DOCK4: variants seen among roughly 807,000 people sequenced by gnomAD.
The protein encoded by DOCK4 is dedicator of cytokinesis protein 4.
A neutral mutation model predicts 268.1 loss-of-function variants in DOCK4; 97 were observed. That is an observed-to-expected ratio of 0.36 (90% confidence interval 0.31 to 0.43). DOCK4 has a LOEUF of 0.43. Ranked by LOEUF, DOCK4 falls within the 20% of genes least tolerant of loss-of-function variation. The pLI, the probability that DOCK4 is intolerant of heterozygous loss-of-function variation, is 1.00. For synonymous variants in DOCK4, 954 were observed against 887.2 expected (o/e 1.08, Z -1.34); for missense variants, 2,145 against 2,455.7 (o/e 0.87, Z 2.67).
chr7:112,063,933 G>T (rs1806687012), intron 1 of DOCK4, among the ~76,000 whole-genome samples: 1 of 152,128 alleles, frequency 6.6e-6, no homozygotes, highest in Non-Finnish European at 1.5e-5. Context: ...TTTTTAAAGG[G>T]AAGGGGCTAT....
chr7:111,754,012 C>G (rs1796862153), intron 42 of DOCK4, among the ~76,000 whole-genome samples: 1 of 152,172 alleles, frequency 6.6e-6, no homozygotes, highest in African/African-American at 2.4e-5. Flanking sequence ...GGGCTAGGAC[C>G]ATTGATGAGA....
At chr7:111,913,759 G>A (rs1276311672) in intron 13 of DOCK4, among the ~76,000 whole-genome samples, 1 of 145,916 alleles carries the variant, frequency 6.9e-6, no homozygotes, top group Non-Finnish European at 1.5e-5. Context: ...GTATATGCTT[G>A]TAGTCCTAGC....
At chr7:111,831,494 T>C (rs1033329599) in intron 26 of DOCK4, among the ~76,000 whole-genome samples, 1 of 151,864 alleles carries the variant, frequency 6.6e-6, no homozygotes, top group Middle Eastern at 3.4e-3. Context: ...TTTTTCTTTT[T>C]TTTTTTTAGA....
chr7:111,843,809 G>A (rs1803880199), intron 25 of DOCK4, among the ~76,000 whole-genome samples: 1 of 152,152 alleles, frequency 6.6e-6, no homozygotes, highest in South Asian at 2.1e-4. Context: ...CAGGTGGCTT[G>A]ATGTTATAAT....
intron 1 of DOCK4, among the ~76,000 whole-genome samples, chr7:112,018,033 C>CA (rs1335213125): frequency 1.3e-5 from 2 of 149,498 alleles, no homozygotes; most frequent in Non-Finnish European, 3.0e-5. Context: ...AAAAAAAATA[C>CA]AAAAAATTAG....
At chr7:111,783,062 T>C (rs770875078) in intron 34 of DOCK4, 138 bp from the exon 35 acceptor site, 2 of 746,176 alleles carry the variant, frequency 2.7e-6, no homozygotes, top group Non-Finnish European at 4.4e-6. Flanking sequence ...CAGAGGCAAT[T>C]TGCATTGCAA....
chr7:112,005,125 A>T (rs1800752189), intron 1 of DOCK4, among the ~76,000 whole-genome samples: 1 of 152,234 alleles, frequency 6.6e-6, no homozygotes, highest in Non-Finnish European at 1.5e-5. Flanking sequence ...CATCAAAAGA[A>T]AATGATTCTT....
intron 1 of DOCK4, among the ~76,000 whole-genome samples, chr7:112,146,718 G>T (rs1034311105): frequency 1.3e-5 from 2 of 152,172 alleles, no homozygotes; most frequent in Non-Finnish European, 2.9e-5. Flanking sequence ...GGGCAACAGT[G>T]TAAGACCTTG....
At chr7:111,755,985 G>A (rs750936913) in intron 41 of DOCK4, among the ~76,000 whole-genome samples, 4 of 152,298 alleles carry the variant, frequency 2.6e-5, no homozygotes, top group East Asian at 3.9e-4. Context: ...GCCTGTCAAC[G>A]TAGAATTAGA....
At chr7:112,154,554 T>C (rs189253627) in intron 1 of DOCK4, among the ~76,000 whole-genome samples, 85 of 152,322 alleles carry the variant, frequency 5.6e-4, no homozygotes, top group Non-Finnish European at 9.7e-4. Context: ...TTCCCCCTTG[T>C]TGAATCAGGA....
chr7:111,851,044 CAT>C (rs1346260162), intron 23 of DOCK4, among the ~76,000 whole-genome samples: 5 of 152,162 alleles, frequency 3.3e-5, no homozygotes, highest in Admixed American at 6.5e-5. Flanking sequence ...ATTGGATACA[CAT>C]ATGTTAAAAA....
At chr7:112,075,278 G>T (rs999436860) in intron 1 of DOCK4, among the ~76,000 whole-genome samples, 4 of 152,130 alleles carry the variant, frequency 2.6e-5, no homozygotes, top group African/African-American at 7.2e-5. Flanking sequence ...AATAATTTTT[G>T]CAGGGAAAGA....
intron 1 of DOCK4, among the ~76,000 whole-genome samples, chr7:112,049,907 T>C (rs1225550244): frequency 6.6e-6 from 1 of 152,212 alleles, no homozygotes; most frequent in Non-Finnish European, 1.5e-5. Flanking sequence ...ACTTGGTGAC[T>C]TAAATCTGAA....
chr7:111,752,604 G>C (rs1385040483), intron 42 of DOCK4, among the ~76,000 whole-genome samples: 2 of 20,660 alleles, frequency 9.7e-5, no homozygotes, highest in Non-Finnish European at 2.2e-4. Context: ...TTTTTTTTTT[G>C]AGACAGAGGT....
chr7:111,857,588 C>G (rs539235840), intron 23 of DOCK4, among the ~76,000 whole-genome samples: 8 of 152,188 alleles, frequency 5.3e-5, no homozygotes, highest in African/African-American at 1.9e-4. Context: ...TATTTTTTAG[C>G]AAGAAAATAG....
intron 23 of DOCK4, among the ~76,000 whole-genome samples, chr7:111,847,716 T>G (rs1044546776): frequency 6.6e-6 from 1 of 152,214 alleles, no homozygotes; most frequent in African/African-American, 2.4e-5. Flanking sequence ...CCATGTAAGA[T>G]GTGCCTTTCA....
chr7:112,135,938 C>T (rs1357119426), intron 1 of DOCK4, among the ~76,000 whole-genome samples: 1 of 152,130 alleles, frequency 6.6e-6, no homozygotes, highest in Non-Finnish European at 1.5e-5. Flanking sequence ...AGGCCACCTG[C>T]CCCAAATGAT....
At chr7:111,973,821 A>G (rs1797923125) in intron 8 of DOCK4, among the ~76,000 whole-genome samples, 1 of 152,190 alleles carries the variant, frequency 6.6e-6, no homozygotes, top group African/African-American at 2.4e-5. Flanking sequence ...TGGAGGGTAC[A>G]TAAGGGTTCC....
chr7:111,933,195 CAT>C (rs372425737), intron 12 of DOCK4, among the ~76,000 whole-genome samples: 1,271 of 126,250 alleles, frequency 0.01, no homozygotes, highest in Middle Eastern at 0.016. Context: ...CGTATATACA[CAT>C]ATATACGTAT....
Sources: allele counts gnomAD v4.1 joint callset (sites outside exome capture counted in the v4.1 genomes callset), GRCh38; gene constraint gnomAD v4.1.1; transcripts MANE v1.5; gene names NCBI Gene and HGNC (gene_info 2026-07-23, HGNC 2026-07-21).